The following VGLL4 variants were observed in gnomAD, a reference collection of about 807,000 sequenced individuals.
VGLL4 encodes the protein transcription cofactor vestigial-like protein 4.
Under a neutral mutation model 21.0 loss-of-function variants are expected in VGLL4, and 7 were observed. That is an observed-to-expected ratio of 0.33 (90% CI 0.19 to 0.63). VGLL4 has a LOEUF of 0.63. VGLL4 is among the 20% of genes least tolerant of loss of function. The probability of loss-of-function intolerance (pLI) is 0.78; values close to 1 mark genes in which losing one functional copy is unlikely to be tolerated. For missense variants in VGLL4, 394 were observed against 425.7 expected, an observed-to-expected ratio of 0.93 and a Z score of 0.66; for synonymous variants, 222 against 173.2, an observed-to-expected ratio of 1.28 and a Z score of -2.21.
intron 3 of VGLL4, among the ~76,000 whole-genome samples, chr3:11,560,994 A>G (rs541631032): frequency 2.0e-5 from 3 of 152,184 alleles, no homozygotes; most frequent in Non-Finnish European, 4.4e-5. Context: ...AAGCAGCAGC[A>G]AGAGAGCAGA....
chr3:11,694,596 T>C (rs2076578157), intron 2 of VGLL4, among the ~76,000 whole-genome samples: 1 of 150,556 alleles, frequency 6.6e-6, no homozygotes, highest in African/African-American at 2.5e-5. Context: ...TACTCCAGCC[T>C]GGGCAAGAGT....
chr3:11,678,371 T>A (rs970825061), intron 2 of VGLL4, among the ~76,000 whole-genome samples: 1 of 152,220 alleles, frequency 6.6e-6, no homozygotes, highest in African/African-American at 2.4e-5. Flanking sequence ...CTCCCTAGTT[T>A]GATTCACACC....
intron 2 of VGLL4, among the ~76,000 whole-genome samples, chr3:11,697,563 A>G (rs2076622575): frequency 6.6e-6 from 1 of 151,952 alleles, no homozygotes; most frequent in Admixed American, 6.6e-5. Flanking sequence ...CACTTGGCTG[A>G]TGCAGAAGCC....
chr3:11,715,479 G>A (rs1281026916), intron 1 of VGLL4, among the ~76,000 whole-genome samples: 2 of 151,996 alleles, frequency 1.3e-5, no homozygotes, highest in South Asian at 2.1e-4. Flanking sequence ...GATCACAGGT[G>A]CCCACCACCA....
intron 1 of VGLL4, among the ~76,000 whole-genome samples, chr3:11,639,555 C>T (rs1026587936): frequency 4.6e-5 from 7 of 152,246 alleles, no homozygotes; most frequent in African/African-American, 1.7e-4. Flanking sequence ...ATGACCCTAA[C>T]ATCACGGAGC....
intron 2 of VGLL4, among the ~76,000 whole-genome samples, chr3:11,656,487 G>C (rs749875303): frequency 3.9e-5 from 6 of 152,194 alleles, no homozygotes; most frequent in Non-Finnish European, 5.9e-5. Flanking sequence ...CCTGAGCTGG[G>C]GATCTTTGCA....
intron 2 of VGLL4, among the ~76,000 whole-genome samples, chr3:11,656,939 G>C (rs567393115): frequency 3.3e-5 from 5 of 152,294 alleles, no homozygotes; most frequent in African/African-American, 1.2e-4. Context: ...GGAGAGGACT[G>C]TCCTAAGAGC....
rs112811819 is a variant in VGLL4, at chr3:11,636,898, G to A, written c.82+6539C>T. Among the ~76,000 whole-genome samples the A allele has an allele frequency of 3.1e-3, 467 of 152,254 alleles. 1 individual carries two copies. The highest frequency in any genetic ancestry group is 0.01 in the African/African-American group (420 of 41,526). ...AGGGAAGCTGGGACATATATTATCTGTATATAATGTCTGTATATCCCACAG... is the reference window on the plus strand; with the variant it reads ...AGGGAAGCTGGGACATATATTATCTATATATAATGTCTGTATATCCCACAG... On this transcript the variant is annotated intron_variant, in intron 1 of 4. Coordinates refer to ENST00000430365, the MANE Select transcript of VGLL4 (RefSeq NM_001128219.3).
intron 2 of VGLL4, among the ~76,000 whole-genome samples, chr3:11,587,338 C>A (rs556750302): frequency 1.1e-4 from 16 of 152,210 alleles, no homozygotes; most frequent in African/African-American, 3.9e-4. Flanking sequence ...CCCTACCAAG[C>A]GTAGCCATGG....
chr3:11,594,928 G>T (rs1253176391), intron 2 of VGLL4, among the ~76,000 whole-genome samples: 1 of 152,226 alleles, frequency 6.6e-6, no homozygotes, highest in African/African-American at 2.4e-5. Context: ...TTGGGAGGCC[G>T]AGGCGGGCGG....
chr3:11,642,757 GCT>G (rs1183567721), intron 1 of VGLL4, among the ~76,000 whole-genome samples: 1 of 152,206 alleles, frequency 6.6e-6, no homozygotes, highest in Non-Finnish European at 1.5e-5. Flanking sequence ...GTTCGGCGCG[GCT>G]CTCTCTTTTT....
chr3:11,623,797 G>C (rs902165874), intron 1 of VGLL4, among the ~76,000 whole-genome samples: 6 of 151,106 alleles, frequency 4.0e-5, no homozygotes, highest in African/African-American at 1.5e-4. Flanking sequence ...TTGGAGTGCA[G>C]TGGTGCCATC....
Position 11,608,209 on chromosome 3 carries a change from T to G in VGLL4, c.83-6187A>C, listed in dbSNP as rs138487562. 2.8e-4 allele frequency among the ~76,000 whole-genome samples: 42 copies of G among 152,372 alleles called. No homozygotes were observed. The East Asian group carries it at 7.9e-3, about 29-fold the overall frequency. ...CGTATTTTAAGCTTTACAAGTTGGC[T>G]TAACTACAACTGTCAGTTTTACTTC... is the stretch of plus-strand genomic sequence containing the variant. On this transcript the variant is annotated intron_variant, in intron 1 of 4. Transcript: ENST00000430365.
At chr3:11,714,979 C>G (rs1559960450) in intron 1 of VGLL4, among the ~76,000 whole-genome samples, 2 of 151,618 alleles carry the variant, frequency 1.3e-5, no homozygotes, top group Non-Finnish European at 2.9e-5. Context: ...ATTAAAAATA[C>G]AAAAAATTAG....
intron 2 of VGLL4, among the ~76,000 whole-genome samples, chr3:11,574,081 C>T (rs1471234957): frequency 6.6e-6 from 1 of 152,194 alleles, no homozygotes; most frequent in East Asian, 1.9e-4. Context: ...CAGAAGCAGC[C>T]AGCCCTGCTG....
In VGLL4 at chr3:11,602,041, T is replaced by G; in HGVS notation, c.83-19A>C. ...GCTTCGCCTACGCAGAGAGAGATGATGTAGTCACTAAGCAGGAGAAAGGCC... is the reference window on the plus strand; with the variant it reads ...GCTTCGCCTACGCAGAGAGAGATGAGGTAGTCACTAAGCAGGAGAAAGGCC... On this transcript the variant is annotated intron_variant, in intron 1 of 4. Coordinates refer to ENST00000430365, the MANE Select transcript of VGLL4 (RefSeq NM_001128219.3). 6.6e-7 allele frequency: 1 copy of G among 1,518,108 alleles called. No homozygotes were observed. The highest frequency in any genetic ancestry group is 8.8e-7 in the Non-Finnish European group (1 of 1,138,488). The allele number at this position is 1,518,108 out of a possible 1,614,324, so 94.0% of individuals were successfully genotyped here.
intron 1 of VGLL4, among the ~76,000 whole-genome samples, chr3:11,605,858 T>C (rs1035494501): frequency 6.6e-6 from 1 of 152,174 alleles, no homozygotes; most frequent in African/African-American, 2.4e-5. Context: ...AAGATCTATT[T>C]AAAAATATAA....
intron 1 of VGLL4, among the ~76,000 whole-genome samples, chr3:11,603,263 C>G (rs556896863): frequency 7.9e-5 from 12 of 152,128 alleles, no homozygotes; most frequent in South Asian, 2.1e-4. Context: ...TATAAACTAG[C>G]AAATATACAG....
At chr3:11,561,855 T>C (rs2073038425) in intron 3 of VGLL4, among the ~76,000 whole-genome samples, 1 of 149,344 alleles carries the variant, frequency 6.7e-6, no homozygotes, top group Non-Finnish European at 1.5e-5. Flanking sequence ...CCACCTCTCC[T>C]ATCTGAAAGC....
Sources: allele counts gnomAD v4.1 joint callset (sites outside exome capture counted in the v4.1 genomes callset), GRCh38; gene constraint gnomAD v4.1.1; transcripts MANE v1.5; gene names NCBI Gene and HGNC (gene_info 2026-07-23, HGNC 2026-07-21).